Variants in ZC3H12B observed in about 807,000 individuals in gnomAD.
ZC3H12B encodes the protein probable ribonuclease ZC3H12B.
Under a neutral mutation model 43.9 loss-of-function variants are expected in ZC3H12B, and 7 were observed. The observed-to-expected ratio is 0.16, with a 90% CI of 0.09 to 0.30. The LOEUF is 0.30. Among genes scored for constraint, ZC3H12B ranks in the 10% least tolerant of loss-of-function variants. ZC3H12B has a pLI of 1.00. For synonymous variants in ZC3H12B, 222 were observed against 241.7 expected (o/e 0.92, Z 0.76); for missense variants, 475 against 670.2 (o/e 0.71, Z 3.22).
chrX:65,152,593 A>G, the ZC3H12B span, among the ~76,000 whole-genome samples: 1 of 111,601 alleles, frequency 9.0e-6, no homozygotes, highest in Non-Finnish European at 1.9e-5. Context: ...GAGGATACAA[A>G]CAAATGGAAG....
At chrX:65,472,362 C>T (rs1357992170) in intron 3 of ZC3H12B, among the ~76,000 whole-genome samples, 1 of 108,153 alleles carries the variant, frequency 9.2e-6, no homozygotes, top group East Asian at 2.8e-4. Context: ...GTTGATTGTT[C>T]CCTTTACTGT....
intron 3 of ZC3H12B, among the ~76,000 whole-genome samples, chrX:65,436,037 C>T (rs1280254835): frequency 3.6e-5 from 4 of 112,142 alleles, no homozygotes; most frequent in Non-Finnish European, 7.5e-5. Context: ...GATACACAGG[C>T]TGTACAGGAA....
chrX:65,187,483 T>C, the ZC3H12B span, among the ~76,000 whole-genome samples: 1 of 111,419 alleles, frequency 9.0e-6, no homozygotes, highest in Non-Finnish European at 1.9e-5. Context: ...GATAGGAAAA[T>C]ACATTTCTAA....
At chrX:65,408,347 T>G in intron 3 of ZC3H12B, 15 of 1,203,744 alleles carry the variant, frequency 1.2e-5, no homozygotes, top group Non-Finnish European at 1.6e-5. Flanking sequence ...GAATACGATT[T>G]GTGCACAAGT....
the ZC3H12B span, among the ~76,000 whole-genome samples, chrX:65,147,201 T>C: frequency 8.9e-6 from 1 of 112,308 alleles, no homozygotes. Context: ...ACATACTGAC[T>C]TTGGGAAAGC....
the ZC3H12B span, among the ~76,000 whole-genome samples, chrX:65,035,752 T>G: frequency 9.0e-6 from 1 of 111,223 alleles, no homozygotes; most frequent in African/African-American, 3.3e-5. Context: ...TTGCTACTCG[T>G]GTGCTAAGAC....
chrX:65,507,134 T>C (rs1018485822), exon 5 of ZC3H12B: 5 of 112,533 alleles, frequency 4.4e-5, no homozygotes, highest in African/African-American at 1.6e-4. Flanking sequence ...GGCACTCAGT[T>C]ACCATTCAAT....
chrX:65,384,698 A>G (rs1401960864), intron 2 of ZC3H12B, among the ~76,000 whole-genome samples: 1 of 111,820 alleles, frequency 8.9e-6, no homozygotes, highest in Non-Finnish European at 1.9e-5. Context: ...ACTAAATTCT[A>G]CAATCAAAAG....
chrX:65,041,833 G>A, the ZC3H12B span, among the ~76,000 whole-genome samples: 1 of 111,668 alleles, frequency 9.0e-6, no homozygotes, highest in Non-Finnish European at 1.9e-5. Flanking sequence ...TTCTATTTTT[G>A]TTACGATGCA....
chrX:65,051,371 C>A, the ZC3H12B span, among the ~76,000 whole-genome samples: 1 of 111,082 alleles, frequency 9.0e-6, no homozygotes, highest in Non-Finnish European at 1.9e-5. Flanking sequence ...TCCTTTCCTT[C>A]TGCTCACTTT....
the ZC3H12B span, among the ~76,000 whole-genome samples, chrX:65,219,011 C>A: frequency 8.9e-6 from 1 of 112,004 alleles, no homozygotes; most frequent in Non-Finnish European, 1.9e-5. Context: ...TTTGCAGATG[C>A]TTTCCAGTAG....
At chrX:65,409,497 A>C (rs1436307045) in intron 3 of ZC3H12B, among the ~76,000 whole-genome samples, 1 of 109,029 alleles carries the variant, frequency 9.2e-6, no homozygotes, top group Non-Finnish European at 1.9e-5. Flanking sequence ...GAATGAAAGA[A>C]GTAGTATTAT....
intron 3 of ZC3H12B, among the ~76,000 whole-genome samples, chrX:65,482,059 T>A (rs1187724850): frequency 8.9e-6 from 1 of 111,849 alleles, no homozygotes; most frequent in Non-Finnish European, 1.9e-5. Flanking sequence ...GAAAATAGGA[T>A]GTACTCTATT....
the ZC3H12B span, among the ~76,000 whole-genome samples, chrX:65,359,108 T>C: frequency 3.6e-5 from 4 of 111,135 alleles, no homozygotes; most frequent in South Asian, 1.5e-3. Flanking sequence ...TTTACAGCAC[T>C]ACAACATGGT....
the ZC3H12B span, among the ~76,000 whole-genome samples, chrX:65,311,474 C>A: frequency 9.0e-6 from 1 of 111,668 alleles, no homozygotes; most frequent in Non-Finnish European, 1.9e-5. Flanking sequence ...GAATGGCGAT[C>A]ATTAAAATGT....
the ZC3H12B span, among the ~76,000 whole-genome samples, chrX:65,136,391 A>G: frequency 1.8e-5 from 2 of 110,895 alleles, no homozygotes; most frequent in African/African-American, 3.3e-5. Context: ...GGCTGATGAG[A>G]TGAAAGTCTT....
At chrX:65,457,447 G>T (rs1261615117) in intron 3 of ZC3H12B, among the ~76,000 whole-genome samples, 1 of 82,573 alleles carries the variant, frequency 1.2e-5, no homozygotes, top group Non-Finnish European at 2.2e-5. Flanking sequence ...GTGGTGGGGG[G>T]GTCAGCCCCC....
the ZC3H12B span, among the ~76,000 whole-genome samples, chrX:65,150,022 T>G: frequency 9.1e-6 from 1 of 110,209 alleles, no homozygotes; most frequent in Non-Finnish European, 1.9e-5. Flanking sequence ...TAAATATCCA[T>G]GAGCATATTC....
At chrX:65,343,860 A>G in the ZC3H12B span, among the ~76,000 whole-genome samples, 1 of 111,947 alleles carries the variant, frequency 8.9e-6, no homozygotes, top group South Asian at 3.7e-4. Flanking sequence ...AAGGACATCC[A>G]AACAGGAAGA....
Sources: allele counts gnomAD v4.1 joint callset (sites outside exome capture counted in the v4.1 genomes callset), GRCh38; gene constraint gnomAD v4.1.1; transcripts MANE v1.5; gene names NCBI Gene and HGNC (gene_info 2026-07-23, HGNC 2026-07-21).